Variants in NPHS2 observed in about 807,000 individuals in gnomAD.
NPHS2 encodes NPHS2 stomatin family member, podocin, also known as podocin.
A neutral mutation model predicts 37.1 loss-of-function variants in NPHS2; 36 were observed. The observed-to-expected ratio is 0.97, with a 90% CI of 0.74 to 1.28. The LOEUF is 1.28. Among genes scored for constraint, NPHS2 ranks in the 50% most tolerant of loss-of-function variants. NPHS2 has a pLI of 0.00. For synonymous variants in NPHS2, 196 were observed against 189.3 expected (o/e 1.04, Z -0.29); for missense variants, 447 against 488.1 (o/e 0.92, Z 0.79).
At position 179,575,833 on chromosome 1, in the gene NPHS2, TCCCTGGAGGAGCTCCGCG is replaced by T; in HGVS notation, c.14_31del (p.Ala5_Arg10del). 6.9e-7 allele frequency: 1 copy of T among 1,442,544 alleles called. No homozygotes were observed. Among genetic ancestry groups the T allele is most frequent in the South Asian group, 1.5e-5 (1 of 65,808 alleles). The allele number at this position is 1,442,544 out of a possible 1,614,324, so 89.4% of individuals were successfully genotyped here. ...AGTCCTGCCGCCTCGCCCGCGGGACTCCCTGGAGGAGCTCCGCGCCCTCCTCTCCATCCTCAGAGCTGC... is the reference window on the plus strand; with the variant it reads ...AGTCCTGCCGCCTCGCCCGCGGGACTCCCTCCTCTCCATCCTCAGAGCTGC... On this transcript the variant is annotated inframe_deletion, in exon 1 of 8. Coordinates refer to ENST00000367615, the MANE Select transcript of NPHS2 (RefSeq NM_014625.4).
intron 1 of NPHS2, among the ~76,000 whole-genome samples, chr1:179,569,313 C>G (rs1674459051): frequency 2.0e-5 from 1 of 51,116 alleles, no homozygotes; most frequent in Non-Finnish European, 4.1e-5. Flanking sequence ...TAATGGCCTT[C>G]TTTGTCCCTT....
At position 179,575,739 on chromosome 1, in the gene NPHS2, C is replaced by T. The variant is rs769791509; in HGVS notation, c.126G>A (p.Gly42=). The T allele has an allele frequency of 5.8e-5, 88 of 1,516,940 alleles. No homozygotes were observed. Among genetic ancestry groups the T allele is most frequent in the Non-Finnish European group, 7.2e-5 (82 of 1,138,274 alleles). The allele number at this position is 1,516,940 out of a possible 1,614,324, so 94.0% of individuals were successfully genotyped here. Residue 42 remains glycine (G), a synonymous_variant, in exon 1 of 8, where the codon GGG becomes GGA. Transcript: ENST00000367615. ...SGGGRGRQEA[G]PEPSGSGRAG... is the part of the protein sequence containing the mutation. ...CCCGTCCGGAGCCCGACGGCTCGGG[C>T]CCAGCCTCCTGGCGCCCGCGGCCTC...
At chr1:179,573,162 A>C (rs1016833588) in intron 1 of NPHS2, among the ~76,000 whole-genome samples, 1 of 152,118 alleles carries the variant, frequency 6.6e-6, no homozygotes, top group Non-Finnish European at 1.5e-5. Flanking sequence ...ATGGGGACAA[A>C]GGGGATAACT....
At position 179,575,714 on chromosome 1, in the gene NPHS2, C is replaced by G. The variant is rs911929132; in HGVS notation, c.151G>C (p.Ala51Pro). 53 of 1,557,600 alleles carry G rather than the reference C, an allele frequency of 3.4e-5. 2 individuals are homozygous for G. The highest frequency in any genetic ancestry group is 2.3e-5 in the Non-Finnish European group (27 of 1,156,940). Residue 51 changes from alanine to proline, a missense_variant, in exon 1 of 8, where the codon GCG (alanine) becomes CCG (proline). Physicochemically the swap from Ala to Pro is conservative, Grantham distance 27. Coordinates refer to ENST00000367615, the MANE Select transcript of NPHS2 (RefSeq NM_014625.4). ...AGPEPSGSGR[A>P]GTPGEPRAPA... ...GCTCGGGGCTCCCCCGGGGTCCCCGCCCGTCCGGAGCCCGACGGCTCGGGC... is the reference window on the plus strand; with the variant it reads ...GCTCGGGGCTCCCCCGGGGTCCCCGGCCGTCCGGAGCCCGACGGCTCGGGC...
At chr1:179,567,844 T>C (rs1231529326) in intron 1 of NPHS2, among the ~76,000 whole-genome samples, 2 of 152,244 alleles carry the variant, frequency 1.3e-5, no homozygotes, top group Non-Finnish European at 2.9e-5. Flanking sequence ...TTGTTGTTGG[T>C]TCTGTTTATG....
chr1:179,558,382 G>C lies in NPHS2; in HGVS notation c.535-1152C>G, dbSNP rs141820176. On this transcript the variant is annotated intron_variant, in intron 4 of 7. Transcript: ENST00000367615. ...ATTTCAGTCAGCATAATGTCCTCAA[G>C]GTTCATCTATCTTGTAGAATGTCAG... Among the ~76,000 whole-genome samples the C allele has an allele frequency of 4.6e-5, 7 of 152,158 alleles. No homozygotes were observed. In the East Asian group the frequency reaches 1.4e-3, roughly 29 times the overall value.
intron 6 of NPHS2, among the ~76,000 whole-genome samples, 174 bp from the exon 7 acceptor site, chr1:179,552,855 T>G (rs1673518816): frequency 6.6e-6 from 1 of 152,188 alleles, no homozygotes; most frequent in Admixed American, 6.5e-5. Flanking sequence ...ATCTCCAAGG[T>G]CGATGCCTCA....
At chr1:179,566,220 C>G (rs772858404) in intron 1 of NPHS2, among the ~76,000 whole-genome samples, 1 of 152,274 alleles carries the variant, frequency 6.6e-6, no homozygotes, top group Admixed American at 6.5e-5. Flanking sequence ...CACATCCTCT[C>G]TAGCATCTGT....
At position 179,575,703 on chromosome 1, in the gene NPHS2, C is replaced by A. The variant is rs1674735051; in HGVS notation, c.162G>T (p.Pro54=). 1 of 1,572,348 alleles carries A rather than the reference C, an allele frequency of 6.4e-7. No homozygotes were observed. Among genetic ancestry groups the A allele is most frequent in the Non-Finnish European group, 8.6e-7 (1 of 1,164,772 alleles). ...EPSGSGRAGT[P]GEPRAPAATV... ...TGGCGGCGGGCGCTCGGGGCTCCCC[C>A]GGGGTCCCCGCCCGTCCGGAGCCCG... Residue 54 remains proline, a synonymous_variant, in exon 1 of 8, where the codon CCG becomes CCT. Transcript: ENST00000367615.
intron 1 of NPHS2, among the ~76,000 whole-genome samples, chr1:179,568,404 CTT>C (rs892792907): frequency 2.9e-4 from 44 of 152,260 alleles, no homozygotes; most frequent in African/African-American, 9.6e-4. Flanking sequence ...GTGATATCCT[CTT>C]TATCATTTTT....
chr1:179,561,264 T>C, intron 3 of NPHS2, 25 bp downstream of exon 3: 2 of 1,576,890 alleles, frequency 1.3e-6, no homozygotes, highest in Non-Finnish European at 1.7e-6. Flanking sequence ...GAGAGGTGTT[T>C]AGAAAAAAAA....
intron 5 of NPHS2, among the ~76,000 whole-genome samples, chr1:179,555,389 C>A (rs914482105): frequency 6.6e-5 from 10 of 152,192 alleles, no homozygotes; most frequent in African/African-American, 2.4e-4. Flanking sequence ...CCCATCCACC[C>A]CCTTGATTGA....
chr1:179,572,076 A>G (rs1029674043), intron 1 of NPHS2, among the ~76,000 whole-genome samples: 10 of 152,180 alleles, frequency 6.6e-5, no homozygotes, highest in African/African-American at 9.7e-5. Flanking sequence ...GGCTGCACTC[A>G]CTTTCCGACC....
chr1:179,565,626 G>T (rs936041880), intron 1 of NPHS2, among the ~76,000 whole-genome samples: 9 of 152,136 alleles, frequency 5.9e-5, no homozygotes, highest in African/African-American at 2.2e-4. Flanking sequence ...CAACGTGCAG[G>T]TTTGTTACAT....
intron 1 of NPHS2, among the ~76,000 whole-genome samples, chr1:179,565,316 C>T (rs1465105994): frequency 6.6e-6 from 1 of 152,034 alleles, no homozygotes; most frequent in Admixed American, 6.5e-5. Context: ...TATACTGGAA[C>T]AGGCACAAAA....
chr1:179,553,221 C>T (rs1476883315), intron 6 of NPHS2, among the ~76,000 whole-genome samples: 2 of 152,206 alleles, frequency 1.3e-5, no homozygotes, highest in South Asian at 4.1e-4. Flanking sequence ...AAGTTAAATA[C>T]GGAGTTACCA....
rs1673961980 is a variant in NPHS2, at chr1:179,557,125, C to T, written c.640G>A (p.Val214Met). 1 of 1,614,076 alleles carries T rather than the reference C, an allele frequency of 6.2e-7. No individual in the cohort carries two copies. The highest frequency in any genetic ancestry group is 1.7e-5 in the Admixed American group (1 of 60,008). ...LSSLAHVSKAVQFLVQTTMKR... is the reference protein window; with the variant it reads ...LSSLAHVSKAMQFLVQTTMKR... ...ATAGTGGTTTGCACAAGGAATTGCACAGCTTTAGATACATGAGCAAGACTG... is the reference window on the plus strand; with the variant it reads ...ATAGTGGTTTGCACAAGGAATTGCATAGCTTTAGATACATGAGCAAGACTG... The change falls in exon 5 of 8, where the codon GTG becomes ATG. Residue 214 changes from valine to methionine, a missense_variant. By Grantham distance (21) the Val-to-Met change is conservative. Transcript: ENST00000367615.
chr1:179,570,560 T>C (rs1207901035), intron 1 of NPHS2, among the ~76,000 whole-genome samples: 1 of 152,208 alleles, frequency 6.6e-6, no homozygotes, highest in African/African-American at 2.4e-5. Flanking sequence ...GTTCCTTGCC[T>C]TCATTCCCGT....
intron 6 of NPHS2, among the ~76,000 whole-genome samples, chr1:179,553,312 T>C (rs2125774698): frequency 6.6e-6 from 1 of 152,376 alleles, no homozygotes; most frequent in Admixed American, 6.5e-5. Flanking sequence ...AAATTAATGC[T>C]TGCTGTAGCA....
Sources: gnomAD v4.1 joint callset for allele counts (sites outside exome capture counted in the v4.1 genomes callset) on GRCh38, gnomAD v4.1.1 for gene constraint, MANE v1.5 for transcripts, NCBI Gene and HGNC (gene_info 2026-07-23, HGNC 2026-07-21) for gene names.